Variants in RBMS3 observed in about 807,000 individuals in gnomAD.
The protein encoded by RBMS3 is RNA binding motif single stranded interacting protein 3.
Under a neutral mutation model 66.8 loss-of-function variants are expected in RBMS3, and 27 were observed. The observed-to-expected ratio is 0.40, with a 90% CI of 0.30 to 0.56. The LOEUF is 0.56. RBMS3 is among the 20% of genes least tolerant of loss of function. The pLI, the probability that RBMS3 is intolerant of heterozygous loss-of-function variation, is 0.40. For missense variants in RBMS3, 513 were observed against 549.5 expected, an observed-to-expected ratio of 0.93 and a Z score of 0.66; for synonymous variants, 188 against 183.0, an observed-to-expected ratio of 1.03 and a Z score of -0.22.
chr3:29,723,107 C>T (rs535636478), intron 4 of RBMS3, among the ~76,000 whole-genome samples: 1 of 152,164 alleles, frequency 6.6e-6, no homozygotes, highest in African/African-American at 2.4e-5. Context: ...TCCTGAATGG[C>T]TGGGATTACA....
At chr3:29,757,507 C>G (rs908046131) in intron 5 of RBMS3, among the ~76,000 whole-genome samples, 1 of 152,170 alleles carries the variant, frequency 6.6e-6, no homozygotes, top group African/African-American at 2.4e-5. Context: ...AACTTCGGAA[C>G]AGGAGTTTTC....
chr3:29,831,028 A>G (rs925149566), intron 6 of RBMS3, among the ~76,000 whole-genome samples: 1 of 152,154 alleles, frequency 6.6e-6, no homozygotes, highest in Non-Finnish European at 1.5e-5. Flanking sequence ...TGTACCAATA[A>G]ATGTTTAAGT....
intron 10 of RBMS3, among the ~76,000 whole-genome samples, chr3:29,920,188 A>T (rs1339816207): frequency 1.3e-5 from 2 of 152,196 alleles, no homozygotes; most frequent in Non-Finnish European, 2.9e-5. Flanking sequence ...GGTGACTGAG[A>T]CCAAATAAAA....
chr3:30,001,258 C>T (rs1239038902), intron 14 of RBMS3, among the ~76,000 whole-genome samples: 1 of 152,034 alleles, frequency 6.6e-6, no homozygotes, highest in African/African-American at 2.4e-5. Flanking sequence ...CAGAATCCCA[C>T]TTTTTACATA....
At chr3:29,602,148 T>C (rs2048167067) in intron 4 of RBMS3, among the ~76,000 whole-genome samples, 1 of 152,044 alleles carries the variant, frequency 6.6e-6, no homozygotes, top group South Asian at 2.1e-4. Context: ...GCCAGCATAA[T>C]TGCACGGTAC....
chr3:29,820,788 T>C (rs746557323), intron 6 of RBMS3, among the ~76,000 whole-genome samples: 12 of 152,112 alleles, frequency 7.9e-5, no homozygotes, highest in Non-Finnish European at 1.6e-4. Context: ...CAATAAAAAG[T>C]AATTCTCCCT....
At chr3:29,759,395 A>G (rs1453176546) in intron 5 of RBMS3, among the ~76,000 whole-genome samples, 1 of 152,182 alleles carries the variant, frequency 6.6e-6, no homozygotes, top group Non-Finnish European at 1.5e-5. Context: ...TAAGATCCTA[A>G]TTAATGTATT....
intron 3 of RBMS3, among the ~76,000 whole-genome samples, chr3:29,495,359 T>C (rs1379334457): frequency 6.6e-6 from 1 of 151,994 alleles, no homozygotes; most frequent in Non-Finnish European, 1.5e-5. Context: ...TTATTTTACT[T>C]TTCTTGTTTA....
At chr3:29,594,385 A>T (rs2047871100) in intron 4 of RBMS3, among the ~76,000 whole-genome samples, 1 of 152,188 alleles carries the variant, frequency 6.6e-6, no homozygotes, top group African/African-American at 2.4e-5. Context: ...ATGACAAGAC[A>T]CCTTCCTCTA....
intron 5 of RBMS3, among the ~76,000 whole-genome samples, chr3:29,745,563 A>G (rs1340979369): frequency 6.6e-6 from 1 of 152,110 alleles, no homozygotes; most frequent in Non-Finnish European, 1.5e-5. Context: ...AGGCCAGTAA[A>G]GAATGACCCA....
At chr3:29,342,756 TAC>T (rs1364331224) in intron 1 of RBMS3, among the ~76,000 whole-genome samples, 2 of 152,188 alleles carry the variant, frequency 1.3e-5, no homozygotes, top group Non-Finnish European at 2.9e-5. Context: ...GTGGTTGAAT[TAC>T]ACAGTTTTTC....
At chr3:29,732,831 A>G (rs906129628) in intron 4 of RBMS3, among the ~76,000 whole-genome samples, 2 of 152,144 alleles carry the variant, frequency 1.3e-5, no homozygotes, top group East Asian at 1.9e-4. Flanking sequence ...TTTCTTTTCT[A>G]CAGGTGAGAG....
At chr3:29,303,438 T>A (rs17023221) in intron 1 of RBMS3, among the ~76,000 whole-genome samples, 2,865 of 152,150 alleles carry the variant, frequency 0.019, 90 homozygotes, top group African/African-American at 0.065. Context: ...CCATTCAACC[T>A]TAACCTCTAG....
At chr3:29,501,919 C>A (rs2053285) in intron 3 of RBMS3, among the ~76,000 whole-genome samples, 20,039 of 151,900 alleles carry the variant, frequency 0.13, 1,970 homozygotes, top group African/African-American at 0.27. Flanking sequence ...AAAAATGGTT[C>A]GCGGTAGTTA....
At chr3:29,618,518 G>GAA (rs200714787) in intron 4 of RBMS3, among the ~76,000 whole-genome samples, 2 of 146,958 alleles carry the variant, frequency 1.4e-5, no homozygotes, top group African/African-American at 5.0e-5. Flanking sequence ...AAAAAAGAAA[G>GAA]AAAAAAAAAA....
intron 14 of RBMS3, among the ~76,000 whole-genome samples, chr3:29,997,061 C>A (rs1263057437): frequency 2.6e-5 from 4 of 151,082 alleles, no homozygotes; most frequent in Admixed American, 2.6e-4. Context: ...ATCAAATAGA[C>A]GCAATAAAAA....
chr3:29,500,227 T>C (rs766906506), intron 3 of RBMS3, among the ~76,000 whole-genome samples: 6 of 151,468 alleles, frequency 4.0e-5, no homozygotes, highest in Non-Finnish European at 8.8e-5. Context: ...TAATTTCACA[T>C]CTAAGATATA....
chr3:29,944,965 T>A (rs1019143150), intron 12 of RBMS3, among the ~76,000 whole-genome samples: 1 of 151,758 alleles, frequency 6.6e-6, no homozygotes, highest in Non-Finnish European at 1.5e-5. Flanking sequence ...AAGAGGTGGA[T>A]TTTTATTTTG....
intron 2 of RBMS3, among the ~76,000 whole-genome samples, chr3:29,441,693 T>G (rs1428625929): frequency 6.6e-6 from 1 of 152,208 alleles, no homozygotes; most frequent in Non-Finnish European, 1.5e-5. Flanking sequence ...AAAATAGGTT[T>G]GGACCTCAAG....
Sources: gnomAD v4.1 joint callset for allele counts (sites outside exome capture counted in the v4.1 genomes callset) on GRCh38, gnomAD v4.1.1 for gene constraint, MANE v1.5 for transcripts, NCBI Gene and HGNC (gene_info 2026-07-23, HGNC 2026-07-21) for gene names.